CUX1: variants seen among roughly 807,000 people sequenced by gnomAD.
The protein encoded by CUX1 is cut like homeobox 1, also known as protein CASP.
In CUX1, 31 loss-of-function variants were observed where a neutral mutation model predicts 158.8. The observed-to-expected ratio is 0.20, with a 90% confidence interval of 0.15 to 0.26. The LOEUF (loss-of-function observed/expected upper bound fraction) is 0.26, where lower values mean the gene tolerates loss of function less well. CUX1 is among the 10% of genes least tolerant of loss of function. The pLI is 1.00. For synonymous variants in CUX1, 879 were observed against 862.1 expected, an observed-to-expected ratio of 1.02 and a Z score of -0.34; for missense variants, 1,589 against 2,014.6, an observed-to-expected ratio of 0.79 and a Z score of 4.04.
chr7:102,087,752 T>C lies in CUX1; in HGVS notation c.269-9612T>C, dbSNP rs969480258. Among the ~76,000 whole-genome samples, 3 of 152,218 alleles carry C rather than the reference T, an allele frequency of 2.0e-5. No individual in the cohort carries two copies. In the East Asian group the frequency reaches 5.8e-4, roughly 29 times the overall value. On this transcript the variant is annotated intron_variant, in intron 4 of 23. Transcript: ENST00000292535. ...ACCTATACTACAACGCTATAATACA[T>C]GGTTACTATTTTTTCTTTAAACCAT...
intron 6 of CUX1, among the ~76,000 whole-genome samples, chr7:102,110,813 T>C (rs1388001379): frequency 6.6e-6 from 1 of 152,214 alleles, no homozygotes; most frequent in Non-Finnish European, 1.5e-5. Context: ...TTTCTGTACA[T>C]GCAGAAACAT....
intron 14 of CUX1, among the ~76,000 whole-genome samples, chr7:102,272,796 C>G (rs1012994865): frequency 1.8e-4 from 28 of 152,252 alleles, no homozygotes; most frequent in Admixed American, 7.2e-4. Flanking sequence ...CCTTGGGGAC[C>G]ACGCCACCCC....
At chr7:101,894,626 TAA>T (rs947548466) in intron 1 of CUX1, among the ~76,000 whole-genome samples, 12 of 152,198 alleles carry the variant, frequency 7.9e-5, no homozygotes, top group African/African-American at 2.9e-4. Flanking sequence ...GCGCAGGTTT[TAA>T]AGAGTGGAAG....
At chr7:102,194,007 TG>T in intron 13 of CUX1, 117 bp downstream of exon 13, 3 of 977,518 alleles carry the variant, frequency 3.1e-6, no homozygotes, top group Non-Finnish European at 4.8e-6. Context: ...TTACAGCCGA[TG>T]AGTCATACTT....
chr7:101,886,679 C>T (rs868427191), intron 1 of CUX1, among the ~76,000 whole-genome samples: 27 of 152,240 alleles, frequency 1.8e-4, no homozygotes, highest in African/African-American at 6.5e-4. Context: ...TAGCCCATGC[C>T]AGCCTCACTG....
intron 2 of CUX1, among the ~76,000 whole-genome samples, chr7:101,995,455 A>G (rs538336730): frequency 6.6e-6 from 1 of 152,360 alleles, no homozygotes; most frequent in South Asian, 2.1e-4. Context: ...ATTCTGGTCT[A>G]TCTTACGCCT....
intron 1 of CUX1, among the ~76,000 whole-genome samples, chr7:101,851,253 A>G (rs2131268863): frequency 6.6e-6 from 1 of 152,218 alleles, no homozygotes; most frequent in South Asian, 2.1e-4. Flanking sequence ...GTATGCCTAA[A>G]CTCTCCTCCA....
intron 9 of CUX1, among the ~76,000 whole-genome samples, chr7:102,169,605 C>T (rs1554509860): frequency 6.6e-6 from 1 of 152,230 alleles, no homozygotes; most frequent in African/African-American, 2.4e-5. Context: ...TCCCATTTTC[C>T]AGACGGGTAG....
intron 2 of CUX1, among the ~76,000 whole-genome samples, chr7:101,978,720 C>T (rs1436535229): frequency 6.6e-6 from 1 of 152,250 alleles, no homozygotes; most frequent in Non-Finnish European, 1.5e-5. Flanking sequence ...ACCTGCCTAG[C>T]CTCTGTCCTC....
intron 4 of CUX1, among the ~76,000 whole-genome samples, chr7:102,095,590 G>A (rs1366842620): frequency 1.3e-5 from 2 of 152,116 alleles, no homozygotes; most frequent in African/African-American, 4.8e-5. Flanking sequence ...TGCTGGATAC[G>A]TTAACCGAGG....
rs375408497 is a variant in CUX1 at position 102,202,006 on chromosome 7, C to T, written c.2709C>T (p.Ser903=). 5.6e-6 allele frequency: 9 copies of T among 1,613,848 alleles called. No individual in the cohort carries two copies. Among genetic ancestry groups the T allele is most frequent in the Middle Eastern group, 1.6e-4 (1 of 6,084 alleles). Residue 903 remains serine (S), a synonymous_variant, in exon 18 of 24, where the codon AGC becomes AGT. Transcript: ENST00000292535. ...SELSLTGASR[S]ETPQNSPLPS... ...TGAGTCTGACCGGGGCCAGCCGCAG[C>T]GAGACACCACAGAACAGCCCCCTGC... is the stretch of plus-strand genomic sequence containing the variant.
intron 1 of CUX1, among the ~76,000 whole-genome samples, chr7:101,908,025 G>A (rs1802955411): frequency 6.6e-6 from 1 of 152,096 alleles, no homozygotes; most frequent in African/African-American, 2.4e-5. Flanking sequence ...AATACCAAAG[G>A]TACCCAAGTG....
chr7:102,117,417 A>AAAAAAAAC (rs1831543626), intron 8 of CUX1, among the ~76,000 whole-genome samples: 1 of 151,524 alleles, frequency 6.6e-6, no homozygotes, highest in Non-Finnish European at 1.5e-5. Flanking sequence ...AAAAAAAAAA[A>AAAAAAAAC]AAGGTCAATA....
intron 8 of CUX1, among the ~76,000 whole-genome samples, chr7:102,143,301 C>G (rs1834660722): frequency 6.6e-6 from 1 of 152,166 alleles, no homozygotes; most frequent in African/African-American, 2.4e-5. Context: ...CAGAGTCTTG[C>G]TCTGTCACCC....
intron 8 of CUX1, chr7:102,153,959 G>A (rs1835966184): frequency 6.6e-6 from 1 of 152,236 alleles, no homozygotes; most frequent in Non-Finnish European, 1.5e-5. Flanking sequence ...AATGGACCAA[G>A]TGGAAGTAAC....
chr7:102,199,332 A>T (rs1795143302), intron 16 of CUX1, among the ~76,000 whole-genome samples: 1 of 152,220 alleles, frequency 6.6e-6, no homozygotes, highest in South Asian at 2.1e-4. Flanking sequence ...ATGGTGGTAT[A>T]CTTGTTTTGA....
Position 102,249,261 on chromosome 7 carries a change from CCCGGGCCGA to C in CUX1, c.*222_*230del. ...GCCGCGGCCCAGACCCACTCTGCGG[CCCGGGCCGA>C]CCCTGCGGCCTCCACCAACCCCGCG... On this transcript the variant is annotated 3_prime_UTR_variant, in exon 24 of 24. Transcript: ENST00000292535. The C allele has an allele frequency of 1.9e-6, 2 of 1,064,310 alleles. No homozygotes were observed. The allele number at this position is 1,064,310 out of a possible 1,614,324, so 65.9% of individuals were successfully genotyped here.
chr7:102,228,073 C>T (rs182061225), intron 21 of CUX1, among the ~76,000 whole-genome samples: 71 of 151,344 alleles, frequency 4.7e-4, no homozygotes, highest in African/African-American at 1.7e-3. Context: ...GCCCCAGCCT[C>T]CTGAGTAGCT....
chr7:101,834,621 G>A (rs935985955), intron 1 of CUX1, among the ~76,000 whole-genome samples: 2 of 152,168 alleles, frequency 1.3e-5, no homozygotes, highest in African/African-American at 4.8e-5. Context: ...GCCGCTTGTT[G>A]CCCTGGTGCA....
Sources: gnomAD v4.1 joint callset for allele counts (sites outside exome capture counted in the v4.1 genomes callset) on GRCh38, gnomAD v4.1.1 for gene constraint, MANE v1.5 for transcripts, NCBI Gene and HGNC (gene_info 2026-07-23, HGNC 2026-07-21) for gene names.